DDX46: variants seen among roughly 807,000 people sequenced by gnomAD.
DDX46 encodes DEAD-box helicase 46.
A neutral mutation model predicts 134.9 loss-of-function variants in DDX46; 30 were observed. The ratio of observed to expected loss-of-function variants is 0.22; its 90% CI spans 0.17 to 0.30. The LOEUF is 0.30. Among genes scored for constraint, DDX46 ranks in the 10% least tolerant of loss-of-function variants. The pLI is 1.00. For synonymous variants in DDX46, 415 were observed against 404.1 expected, an observed-to-expected ratio of 1.03 and a Z score of -0.32; for missense variants, 622 against 1,248.7, an observed-to-expected ratio of 0.50 and a Z score of 7.56.
Position 134,794,234 on chromosome 5 carries a change from C to T in DDX46, c.1627-616C>T, listed in dbSNP as rs960969241. Reference sequence around the variant, plus strand: ...ACAGTTTGCTTCAGAAACATGTGTACGCCTGCCTGCTGTTGGGCTGTATGT... The same window carrying T: ...ACAGTTTGCTTCAGAAACATGTGTATGCCTGCCTGCTGTTGGGCTGTATGT... On this transcript the variant is annotated intron_variant, in intron 13 of 22. Transcript: ENST00000452510. 5.9e-5 allele frequency among the ~76,000 whole-genome samples: 9 copies of T among 152,250 alleles called. No homozygotes were observed. In the South Asian group the frequency reaches 1.9e-3, roughly 32 times the overall value.
At chr5:134,770,500 C>A (rs775206119) in intron 3 of DDX46, among the ~76,000 whole-genome samples, 10 of 152,054 alleles carry the variant, frequency 6.6e-5, no homozygotes, top group African/African-American at 1.2e-4. Flanking sequence ...AAGTGTGAGG[C>A]ACCTTACCCC....
At chr5:134,776,020 A>G (rs1383077049) in intron 5 of DDX46, among the ~76,000 whole-genome samples, 1 of 152,190 alleles carries the variant, frequency 6.6e-6, no homozygotes, top group Non-Finnish European at 1.5e-5. Flanking sequence ...GAACAGTTGA[A>G]TAACACATAC....
At chr5:134,818,595 G>A (rs965738218) in intron 20 of DDX46, among the ~76,000 whole-genome samples, 1 of 151,502 alleles carries the variant, frequency 6.6e-6, no homozygotes, top group African/African-American at 2.4e-5. Context: ...CCAGCTACTC[G>A]GGAGGCTGAG....
At position 134,763,790 on chromosome 5, in the gene DDX46, A is replaced by G. The variant is rs1753470222; in HGVS notation, c.18-114A>G. The G allele has an allele frequency of 3.2e-6, 4 of 1,253,648 alleles. No homozygotes were observed. The Admixed American group carries it at 8.6e-5, about 27-fold the overall frequency. 77.7% of individuals were successfully genotyped at this position (1,253,648 alleles called of 1,614,324 possible). A position where few individuals can be genotyped will look rare whatever the true frequency, so the allele number is the denominator to read the frequency against. On this transcript the variant is annotated intron_variant, in intron 1 of 22. Coordinates refer to ENST00000452510, the MANE Select transcript of DDX46 (RefSeq NM_001300860.2). ...CTCCTAATTTTAGAAAAATTCATAA[A>G]AAGTTCTTTGAGTGTTAAATTTGTC...
At position 134,826,985 on chromosome 5, in the gene DDX46, A is replaced by G; in HGVS notation, c.3016A>G (p.Ile1006Val). ...ELAVQKAKAE[I>V]TRLIKEELIR... is the part of the protein sequence containing the mutation. ...GGCTGTGCAGAAAGCAAAGGCAGAAATCACCAGGCTCATAAAAGAAGAGCT... is the reference window on the plus strand; with the variant it reads ...GGCTGTGCAGAAAGCAAAGGCAGAAGTCACCAGGCTCATAAAAGAAGAGCT... Residue 1006 changes from isoleucine (I) to valine (V), a missense_variant, in exon 22 of 23, where the codon ATC becomes GTC. Coordinates refer to ENST00000452510, the MANE Select transcript of DDX46 (RefSeq NM_001300860.2). 6.2e-7 allele frequency: 1 copy of G among 1,613,650 alleles called. No homozygotes were observed. The highest frequency in any genetic ancestry group is 1.3e-5 in the African/African-American group (1 of 75,048).
intron 15 of DDX46, among the ~76,000 whole-genome samples, chr5:134,799,050 T>C (rs1754749507): frequency 6.6e-6 from 1 of 152,182 alleles, no homozygotes; most frequent in African/African-American, 2.4e-5. Context: ...TCCGGGAGGA[T>C]GTAGGTAATA....
At chr5:134,763,806 T>A (rs1205100996) in intron 1 of DDX46, 98 bp from the exon 2 acceptor site, 1 of 1,384,910 alleles carries the variant, frequency 7.2e-7, no homozygotes, top group Admixed American at 2.7e-5. Context: ...CTTTGAGTGT[T>A]AAATTTGTCT....
chr5:134,819,233 G>A (rs1755373798), intron 21 of DDX46, among the ~76,000 whole-genome samples: 1 of 152,166 alleles, frequency 6.6e-6, no homozygotes, highest in Non-Finnish European at 1.5e-5. Flanking sequence ...AGTCAAATTT[G>A]AAAATTAAAA....
At chr5:134,767,140 T>A in intron 3 of DDX46, 80 bp downstream of exon 3, 1 of 1,482,274 alleles carries the variant, frequency 6.7e-7, no homozygotes, top group Non-Finnish European at 9.0e-7. Flanking sequence ...TTTTTCCCTG[T>A]AAGTTTGTAT....
chr5:134,798,199 T>G (rs1754726755), intron 15 of DDX46, among the ~76,000 whole-genome samples: 1 of 150,346 alleles, frequency 6.7e-6, no homozygotes, highest in Non-Finnish European at 1.5e-5. Flanking sequence ...TGTTGTTTGT[T>G]TGTTTGTTTG....
chr5:134,773,066 C>A (rs1029312193), intron 4 of DDX46, among the ~76,000 whole-genome samples: 24 of 152,130 alleles, frequency 1.6e-4, no homozygotes. Flanking sequence ...TCCCACAGTG[C>A]TGGGATTACA....
chr5:134,805,671 G>A (rs1021549595), intron 15 of DDX46, among the ~76,000 whole-genome samples: 1 of 151,702 alleles, frequency 6.6e-6, no homozygotes, highest in Non-Finnish European at 1.5e-5. Context: ...TGGGATTACC[G>A]GTGGCTGCCA....
Position 134,807,712 on chromosome 5 carries a change from T to C in DDX46, c.1955-36T>C, listed in dbSNP as rs748575551. 10 of 1,554,648 alleles carry C rather than the reference T, an allele frequency of 6.4e-6. No individual in the cohort carries two copies. In the East Asian group the frequency reaches 1.1e-4, roughly 18 times the overall value. On this transcript the variant is annotated intron_variant, in intron 15 of 22. Transcript: ENST00000452510. The stretch of plus-strand genomic sequence containing the variant: ...GGTCAGAAGACATGGAAAATTTAAT[T>C]TGAACATGTTTTAAAGCTCTCTAAT...
chr5:134,797,322 T>G, intron 15 of DDX46: 1 of 206,836 alleles, frequency 4.8e-6, no homozygotes, highest in Non-Finnish European at 9.9e-6. Context: ...TGCTTATGAA[T>G]CTTCAATTTG....
chr5:134,823,922 A>G (rs925777546), intron 21 of DDX46, among the ~76,000 whole-genome samples: 13 of 152,246 alleles, frequency 8.5e-5, no homozygotes, highest in African/African-American at 2.9e-4. Flanking sequence ...TTTAAGCAAA[A>G]TTAATATTTT....
intron 15 of DDX46, among the ~76,000 whole-genome samples, chr5:134,804,174 G>A (rs1754916073): frequency 6.6e-6 from 1 of 151,988 alleles, no homozygotes; most frequent in Non-Finnish European, 1.5e-5. Context: ...CTCCCAAAGC[G>A]CTGGAATTAC....
chr5:134,769,937 A>T (rs1753708345), intron 3 of DDX46, among the ~76,000 whole-genome samples: 1 of 152,200 alleles, frequency 6.6e-6, no homozygotes. Flanking sequence ...CTGAGATTAG[A>T]GGCATGAGCC....
chr5:134,787,105 G>A (rs1311789794), intron 11 of DDX46, among the ~76,000 whole-genome samples: 1 of 151,854 alleles, frequency 6.6e-6, no homozygotes, highest in Non-Finnish European at 1.5e-5. Context: ...GTATTTTTTT[G>A]TAGAGACGAG....
At chr5:134,777,424 A>T in intron 5 of DDX46, 150 bp from the exon 6 acceptor site, 1 of 753,134 alleles carries the variant, frequency 1.3e-6, no homozygotes, top group South Asian at 2.1e-5. Flanking sequence ...ACCTCAGAAT[A>T]TGAGCATTTG....
Sources: allele counts gnomAD v4.1 joint callset (sites outside exome capture counted in the v4.1 genomes callset), GRCh38; gene constraint gnomAD v4.1.1; transcripts MANE v1.5; gene names NCBI Gene and HGNC (gene_info 2026-07-23, HGNC 2026-07-21).